Variants in CCDC38 observed in about 807,000 individuals in gnomAD.
CCDC38 encodes coiled-coil domain-containing protein 38.
A neutral mutation model predicts 72.8 loss-of-function variants in CCDC38; 69 were observed. That is an observed-to-expected ratio of 0.95 (90% CI 0.78 to 1.16). The LOEUF (loss-of-function observed/expected upper bound fraction) is 1.16. CCDC38 is among the 50% of genes most tolerant of loss of function. The probability of loss-of-function intolerance (pLI) is 0.00; values close to 1 mark genes in which losing one functional copy is unlikely to be tolerated. For synonymous variants in CCDC38, 201 were observed against 213.2 expected (o/e 0.94, Z 0.50); for missense variants, 626 against 638.9 (o/e 0.98, Z 0.22).
chr12:95,929,428 C>T lies in CCDC38; in HGVS notation c.37+7045G>A, dbSNP rs557779694. On this transcript the variant is annotated intron_variant, in intron 2 of 15. Transcript: ENST00000344280. ...CACTGTGCATGCACCCACTGACCTG[C>T]GCCCACTGTCTGGCACTCCCTAGTG... Among the ~76,000 whole-genome samples, 11 of 152,298 alleles carry T rather than the reference C, an allele frequency of 7.2e-5. No individual in the cohort carries two copies. The East Asian group carries it at 7.7e-4, about 11-fold the overall frequency.
At chr12:95,899,768 C>T (rs556056706) in intron 5 of CCDC38, among the ~76,000 whole-genome samples, 90 of 152,178 alleles carry the variant, frequency 5.9e-4, no homozygotes, top group Non-Finnish European at 4.0e-4. Context: ...TACTTTATTC[C>T]GCAAGTACTT....
chr12:95,940,875 A>C (rs543882905), intron 1 of CCDC38, among the ~76,000 whole-genome samples: 26 of 85,938 alleles, frequency 3.0e-4, no homozygotes, highest in East Asian at 7.6e-4. Context: ...GAAGTGAAAA[A>C]AAACAAACAA....
intron 13 of CCDC38, among the ~76,000 whole-genome samples, chr12:95,875,897 A>AT (rs1272256509): frequency 1.3e-5 from 2 of 152,088 alleles, no homozygotes; most frequent in Admixed American, 1.3e-4. Context: ...TGCCGCTTTT[A>AT]TTTTTTAATA....
intron 1 of CCDC38, among the ~76,000 whole-genome samples, chr12:95,939,674 A>T (rs1262513126): frequency 6.6e-6 from 1 of 152,222 alleles, no homozygotes; most frequent in Admixed American, 6.5e-5. Flanking sequence ...TCAGAGGCTC[A>T]TTTTGGAACA....
intron 2 of CCDC38, chr12:95,933,127 C>A (rs755402362): frequency 2.6e-5 from 4 of 152,106 alleles, no homozygotes; most frequent in East Asian, 3.8e-4. Context: ...ATCATTTAGG[C>A]CTTTGCTAGG....
chr12:95,919,307 A>G, intron 2 of CCDC38: 2 of 361,498 alleles, frequency 5.5e-6, no homozygotes, highest in Admixed American at 3.8e-5. Flanking sequence ...ACAGCTCGGC[A>G]TTTGCCTTAT....
intron 2 of CCDC38, among the ~76,000 whole-genome samples, chr12:95,923,264 A>G (rs2080228515): frequency 6.6e-6 from 1 of 152,088 alleles, no homozygotes; most frequent in Admixed American, 6.6e-5. Flanking sequence ...TAATTATATG[A>G]GCCAATTACT....
At chr12:95,918,224 TG>T (rs1268114545) in intron 3 of CCDC38, among the ~76,000 whole-genome samples, 1 of 152,200 alleles carries the variant, frequency 6.6e-6, no homozygotes, top group African/African-American at 2.4e-5. Flanking sequence ...CAAGGCACAG[TG>T]GGAAAATCAG....
intron 2 of CCDC38, among the ~76,000 whole-genome samples, chr12:95,927,114 A>T (rs1036156045): frequency 1.4e-4 from 21 of 152,128 alleles, no homozygotes; most frequent in African/African-American, 5.1e-4. Flanking sequence ...TTTCTGTCTC[A>T]TTGATCTGTC....
In CCDC38 at chr12:95,890,924, G is replaced by A. The variant is rs866024502; in HGVS notation, c.779C>T (p.Ser260Leu). 1 of 1,568,330 alleles carries A rather than the reference G, an allele frequency of 6.4e-7. No individual in the cohort carries two copies. Among genetic ancestry groups the A allele is most frequent in the Non-Finnish European group, 8.7e-7 (1 of 1,143,910 alleles). ...IILPKILAKL[S>L]LHSSNKEGIL... ...GCCTTCCTTGTTACTTGAATGTAAT[G>A]ATAATTCTAGAAATGGCAAATGAAG... Residue 260 changes from serine to leucine, a missense_variant, in exon 9 of 16, where the codon TCA (serine) becomes TTA (leucine). Ser to Leu is a moderately radical substitution (Grantham distance 145). Transcript: ENST00000344280.
In CCDC38 at chr12:95,879,696, C is replaced by T; in HGVS notation, c.1090G>A (p.Asp364Asn). 6.2e-7 allele frequency: 1 copy of T among 1,606,766 alleles called. No individual in the cohort carries two copies. Among genetic ancestry groups the T allele is most frequent in the South Asian group, 1.1e-5 (1 of 90,730 alleles). The change falls in exon 12 of 16, where the codon GAT (aspartate) becomes AAT (asparagine). Residue 364 changes from aspartate to asparagine, a missense_variant. Coordinates refer to ENST00000344280, the MANE Select transcript of CCDC38 (RefSeq NM_182496.3). The surrounding 1 kb of genome is among the most constrained non-coding windows in gnomAD (Gnocchi z 5.5). ...LTLFQYSQDV[D>N]ENLEEVNKRE... ...TTGTTTACCTCTTCAAGATTTTCATCTACATCTTGGGAATATTGAAACAAA... is the reference window on the plus strand; with the variant it reads ...TTGTTTACCTCTTCAAGATTTTCATTTACATCTTGGGAATATTGAAACAAA...
chr12:95,867,233 A>C, intron 15 of CCDC38, 44 bp from the exon 16 acceptor site: 1 of 1,024,154 alleles, frequency 9.8e-7, no homozygotes, highest in African/African-American at 1.6e-5. Flanking sequence ...TTTTGAGCAT[A>C]GCCATTTTCT....
chr12:95,894,449 A>G (rs1011663382), intron 8 of CCDC38, among the ~76,000 whole-genome samples: 3 of 152,116 alleles, frequency 2.0e-5, no homozygotes, highest in Non-Finnish European at 4.4e-5. Flanking sequence ...TTGGTCCCCA[A>G]TGTCAGAGGT....
At chr12:95,937,285 T>C (rs1326238957) in intron 1 of CCDC38, among the ~76,000 whole-genome samples, 1 of 152,192 alleles carries the variant, frequency 6.6e-6, no homozygotes, top group Non-Finnish European at 1.5e-5. Flanking sequence ...ACAGAACTTG[T>C]CTCTATTTAA....
At chr12:95,940,489 G>A (rs1324098608) in intron 1 of CCDC38, among the ~76,000 whole-genome samples, 1 of 152,130 alleles carries the variant, frequency 6.6e-6, no homozygotes, top group Non-Finnish European at 1.5e-5. Flanking sequence ...ATTTCCAGAT[G>A]ATCTCAATGT....
chr12:95,881,564 A>AAAAAAG lies in CCDC38; in HGVS notation c.921-16_921-11dup, dbSNP rs1264301495. The AAAAAAG allele has an allele frequency of 1.9e-6, 3 of 1,603,574 alleles. No individual in the cohort carries two copies. Among genetic ancestry groups the AAAAAAG allele is most frequent in the Non-Finnish European group, 1.7e-6 (2 of 1,174,558 alleles). On this transcript the variant is annotated splice_polypyrimidine_tract_variant and intron_variant, in intron 10 of 15. Transcript: ENST00000344280. ...GAAACTTTCAGCCAGGCTGTAAAAG[A>AAAAAAG]AAAAAGAAAAAGAAAATGTCTGATT...
chr12:95,890,302 G>A lies in CCDC38; in HGVS notation c.871+530C>T, dbSNP rs77080315. On this transcript the variant is annotated intron_variant, in intron 9 of 15. Coordinates refer to ENST00000344280, the MANE Select transcript of CCDC38 (RefSeq NM_182496.3). ...GCGCAGCCCAGTGGGCCAAATCTCC[G>A]GTCTGAACTTGTGATGCAGAGTGGG... Among the ~76,000 whole-genome samples the A allele has an allele frequency of 1.4e-3, 211 of 152,302 alleles. 1 individual carries two copies. Among genetic ancestry groups the A allele is most frequent in the South Asian group, 3.9e-3 (19 of 4,826 alleles).
At chr12:95,905,721 T>A (rs1192176292) in intron 5 of CCDC38, among the ~76,000 whole-genome samples, 2 of 152,218 alleles carry the variant, frequency 1.3e-5, no homozygotes, top group African/African-American at 4.8e-5. Flanking sequence ...AATGTTCAAT[T>A]CATTCATTTT....
intron 4 of CCDC38, among the ~76,000 whole-genome samples, chr12:95,912,699 C>T (rs1187036814): frequency 6.6e-6 from 1 of 152,094 alleles, no homozygotes; most frequent in African/African-American, 2.4e-5. Flanking sequence ...ACATTGTATA[C>T]ATGTATTGAA....
Sources: allele counts gnomAD v4.1 joint callset (sites outside exome capture counted in the v4.1 genomes callset), GRCh38; gene constraint gnomAD v4.1.1; non-coding constraint Gnocchi (gnomAD v3.1); transcripts MANE v1.5; gene names NCBI Gene and HGNC (gene_info 2026-07-23, HGNC 2026-07-21).